The following COL8A1 variants were observed in gnomAD, a reference collection of about 807,000 sequenced individuals.
The protein encoded by COL8A1 is collagen type VIII alpha 1 chain.
Under a neutral mutation model 42.7 loss-of-function variants are expected in COL8A1, and 21 were observed. The observed-to-expected ratio is 0.49, with a 90% CI of 0.35 to 0.71. The LOEUF (loss-of-function observed/expected upper bound fraction) is 0.71. Among genes scored for constraint, COL8A1 ranks in the 30% least tolerant of loss-of-function variants. The pLI is 0.01. For synonymous variants in COL8A1, 367 were observed against 369.1 expected, an observed-to-expected ratio of 0.99 and a Z score of 0.06; for missense variants, 788 against 962.4, an observed-to-expected ratio of 0.82 and a Z score of 2.40.
intron 2 of COL8A1, among the ~76,000 whole-genome samples, chr3:99,762,676 C>T (rs1275824479): frequency 6.6e-6 from 1 of 152,182 alleles, no homozygotes; most frequent in Non-Finnish European, 1.5e-5. Flanking sequence ...TAGGCTTGCA[C>T]CCCAGTGATA....
intron 1 of COL8A1, among the ~76,000 whole-genome samples, chr3:99,649,755 G>C (rs907975283): frequency 4.0e-5 from 6 of 151,790 alleles, no homozygotes; most frequent in Non-Finnish European, 8.8e-5. Flanking sequence ...GCATAAATAT[G>C]TGCTCTCTCT....
intron 1 of COL8A1, among the ~76,000 whole-genome samples, chr3:99,730,798 A>G (rs956710654): frequency 6.6e-6 from 1 of 152,168 alleles, no homozygotes; most frequent in Non-Finnish European, 1.5e-5. Context: ...CAGCGAACTC[A>G]TGAAATAATT....
chr3:99,759,106 CT>C (rs372727265), intron 2 of COL8A1, among the ~76,000 whole-genome samples: 264 of 139,490 alleles, frequency 1.9e-3, no homozygotes, highest in South Asian at 9.7e-3. Flanking sequence ...GAGCCTGTTC[CT>C]TTTTTTTTTT....
At chr3:99,661,855 C>T (rs1938215446) in intron 1 of COL8A1, among the ~76,000 whole-genome samples, 1 of 152,070 alleles carries the variant, frequency 6.6e-6, no homozygotes, top group Non-Finnish European at 1.5e-5. Context: ...GTGAAATAGG[C>T]CAGTCACAAA....
chr3:99,714,642 T>A (rs1939943579), intron 1 of COL8A1, among the ~76,000 whole-genome samples: 1 of 152,126 alleles, frequency 6.6e-6, no homozygotes, highest in African/African-American at 2.4e-5. Flanking sequence ...CCATCATTCA[T>A]TTATCCATCC....
intron 1 of COL8A1, among the ~76,000 whole-genome samples, chr3:99,642,804 G>A (rs1167675831): frequency 6.6e-6 from 1 of 152,084 alleles, no homozygotes; most frequent in Non-Finnish European, 1.5e-5. Context: ...CTCTTAAATA[G>A]GATATAAATT....
chr3:99,644,270 C>T (rs1937597522), intron 1 of COL8A1, among the ~76,000 whole-genome samples: 1 of 152,166 alleles, frequency 6.6e-6, no homozygotes, highest in Non-Finnish European at 1.5e-5. Flanking sequence ...TCTATTAAAA[C>T]TCTTCTTATC....
intron 1 of COL8A1, among the ~76,000 whole-genome samples, chr3:99,734,692 C>A (rs1940645554): frequency 1.3e-5 from 2 of 151,994 alleles, no homozygotes; most frequent in Non-Finnish European, 2.9e-5. Context: ...TGAAGAAAGG[C>A]ATTGGTAGCT....
intron 2 of COL8A1, among the ~76,000 whole-genome samples, chr3:99,755,151 A>G (rs1941229733): frequency 6.6e-6 from 1 of 152,224 alleles, no homozygotes; most frequent in African/African-American, 2.4e-5. Context: ...ACAGAAGTGT[A>G]AAGAAAAACA....
chr3:99,705,903 A>C (rs1041361416), intron 1 of COL8A1, among the ~76,000 whole-genome samples: 5 of 152,222 alleles, frequency 3.3e-5, no homozygotes, highest in African/African-American at 1.2e-4. Flanking sequence ...TAAATAAGTA[A>C]TAATACCTAC....
chr3:99,736,887 C>CTA (rs1200778725), intron 1 of COL8A1, among the ~76,000 whole-genome samples: 3 of 152,144 alleles, frequency 2.0e-5, no homozygotes, highest in African/African-American at 7.2e-5. Flanking sequence ...GTAGGTCATT[C>CTA]AGGACTTGCT....
In COL8A1 at chr3:99,727,653, CAT is replaced by C. The variant is rs1458613886; in HGVS notation, c.-128-17243_-128-17242del. 3.2e-4 allele frequency among the ~76,000 whole-genome samples: 49 copies of C among 152,038 alleles called. 1 individual carries two copies. The highest frequency in any genetic ancestry group is 2.2e-4 in the Non-Finnish European group (15 of 67,936). ...GCGGCATTATTTCTGAGGCTAACGTCATCCTGATACCAAAGCCTGGCAGAGAC... is the reference window on the plus strand; with the variant it reads ...GCGGCATTATTTCTGAGGCTAACGTCCCTGATACCAAAGCCTGGCAGAGAC... On this transcript the variant is annotated intron_variant, in intron 1 of 3. Coordinates refer to ENST00000652472, the MANE Select transcript of COL8A1 (RefSeq NM_020351.4).
chr3:99,667,905 A>G (rs1938415508), intron 1 of COL8A1, among the ~76,000 whole-genome samples: 1 of 152,142 alleles, frequency 6.6e-6, no homozygotes, highest in Non-Finnish European at 1.5e-5. Flanking sequence ...AATGCATAAG[A>G]AATTAGCTCC....
intron 1 of COL8A1, among the ~76,000 whole-genome samples, chr3:99,738,007 G>A (rs1940783213): frequency 6.6e-6 from 1 of 151,758 alleles, no homozygotes; most frequent in African/African-American, 2.4e-5. Context: ...CTTTCTTCCA[G>A]TTGATCGCAT....
At chr3:99,685,715 A>T (rs943941966) in intron 1 of COL8A1, among the ~76,000 whole-genome samples, 1 of 152,186 alleles carries the variant, frequency 6.6e-6, no homozygotes, top group Non-Finnish European at 1.5e-5. Context: ...CTAAAAGCCT[A>T]TGGCCAAATC....
intron 1 of COL8A1, among the ~76,000 whole-genome samples, chr3:99,664,721 T>G (rs182228319): frequency 1.9e-4 from 29 of 152,296 alleles, no homozygotes; most frequent in Admixed American, 1.6e-3. Context: ...ACTAGCTTTT[T>G]AAAAATTGTA....
intron 1 of COL8A1, among the ~76,000 whole-genome samples, chr3:99,725,309 T>C (rs1488775091): frequency 4.6e-5 from 7 of 152,066 alleles, no homozygotes; most frequent in Non-Finnish European, 8.8e-5. Flanking sequence ...CTTTTAAACG[T>C]CTGTTTGAAA....
intron 2 of COL8A1, among the ~76,000 whole-genome samples, chr3:99,778,375 G>A (rs1477967299): frequency 1.3e-5 from 2 of 152,206 alleles, no homozygotes; most frequent in Admixed American, 1.3e-4. Context: ...CTTTTGTAGA[G>A]AGAGAGAGAA....
At chr3:99,688,626 A>C (rs1240845570) in intron 1 of COL8A1, among the ~76,000 whole-genome samples, 2 of 152,228 alleles carry the variant, frequency 1.3e-5, no homozygotes, top group Non-Finnish European at 2.9e-5. Flanking sequence ...GGATTGAGAC[A>C]TGAACATTTT....
Sources: allele counts gnomAD v4.1 joint callset (sites outside exome capture counted in the v4.1 genomes callset), GRCh38; gene constraint gnomAD v4.1.1; transcripts MANE v1.5; gene names NCBI Gene and HGNC (gene_info 2026-07-23, HGNC 2026-07-21).